The following NEK1 variants were observed in gnomAD, a reference collection of about 807,000 sequenced individuals.
The protein encoded by NEK1 is serine/threonine-protein kinase Nek1.
NEK1 carries 137 observed loss-of-function variants against 182.1 expected under a neutral mutation model. That is an observed-to-expected ratio of 0.75 (90% CI 0.65 to 0.87). The LOEUF is 0.87. Among genes scored for constraint, NEK1 ranks in the 40% least tolerant of loss-of-function variants. The pLI, the probability that NEK1 is intolerant of heterozygous loss-of-function variation, is 0.00. For synonymous variants in NEK1, 513 were observed against 492.2 expected, an observed-to-expected ratio of 1.04 and a Z score of -0.56; for missense variants, 1,391 against 1,494.4, an observed-to-expected ratio of 0.93 and a Z score of 1.14.
In NEK1 at chr4:169,589,448, T is replaced by C; in HGVS notation, c.463A>G (p.Ser155Gly). Residue 155 changes from serine to glycine, a missense_variant and splice_region_variant, in exon 7 of 36, where the codon AGT (serine) becomes GGT (glycine). Around this residue, in one of 5 missense-constraint regions of NEK1, gnomAD observed 116 missense variants for 114.5 expected, o/e 1.01. Transcript: ENST00000507142. ...GDFGIARVLN[S>G]TVELARTCIG... ...AACAAAGTTTAAAATTCATGTTACC[T>C]ATTAAGAACTCTAGCAATTCCAAAA... 1 of 1,474,538 alleles carries C rather than the reference T, an allele frequency of 6.8e-7. No homozygotes were observed. The allele number at this position is 1,474,538 out of a possible 1,614,324, so 91.3% of individuals were successfully genotyped here.
intron 28 of NEK1, among the ~76,000 whole-genome samples, chr4:169,435,139 G>A (rs1738160706): frequency 6.6e-6 from 1 of 152,296 alleles, no homozygotes; most frequent in Non-Finnish European, 1.5e-5. Context: ...CAGAGTTCTG[G>A]AGGCTGAAGG....
At chr4:169,495,852 G>C (rs999786007) in intron 23 of NEK1, among the ~76,000 whole-genome samples, 2 of 152,162 alleles carry the variant, frequency 1.3e-5, no homozygotes, top group Admixed American at 6.5e-5. Context: ...CTCCAGCTTT[G>C]TTCTTTTGGC....
At chr4:169,413,406 C>T (rs1733996896) in intron 31 of NEK1, among the ~76,000 whole-genome samples, 1 of 152,082 alleles carries the variant, frequency 6.6e-6, no homozygotes, top group Non-Finnish European at 1.5e-5. Flanking sequence ...CTCCTGGGTT[C>T]AAGTGATCCT....
chr4:169,451,096 T>C (rs965552561), intron 27 of NEK1, among the ~76,000 whole-genome samples: 1 of 152,178 alleles, frequency 6.6e-6, no homozygotes, highest in African/African-American at 2.4e-5. Context: ...CTATCTTAAA[T>C]ATATATGCAC....
At chr4:169,467,993 G>GA (rs979610797) in intron 26 of NEK1, among the ~76,000 whole-genome samples, 2 of 151,408 alleles carry the variant, frequency 1.3e-5, no homozygotes, top group East Asian at 1.9e-4. Context: ...AGATTAAGAG[G>GA]AAAAAAAAGG....
Position 169,536,358 on chromosome 4 carries a change from G to T in NEK1, c.1665+1451C>A, listed in dbSNP as rs560432433. Among the ~76,000 whole-genome samples, 9 of 149,086 alleles carry T rather than the reference G, an allele frequency of 6.0e-5. No individual in the cohort carries two copies. The East Asian group carries it at 1.8e-3, about 29-fold the overall frequency. On this transcript the variant is annotated intron_variant, in intron 19 of 35. Transcript: ENST00000507142. ...ATCAAATTGATTCTAGTGATAAAGA[G>T]AAAAATTTTAAAGTAGAGAAAAAAG...
At chr4:169,505,414 TCTTC>T (rs1753083746) in intron 23 of NEK1, among the ~76,000 whole-genome samples, 2 of 152,228 alleles carry the variant, frequency 1.3e-5, no homozygotes, top group South Asian at 2.1e-4. Context: ...ATATATTTTC[TCTTC>T]CTTATGATTT....
chr4:169,421,901 CT>C (rs1033956974), intron 31 of NEK1, among the ~76,000 whole-genome samples: 1 of 152,088 alleles, frequency 6.6e-6, no homozygotes, highest in South Asian at 2.1e-4. Context: ...ACCAATTTGA[CT>C]TTATAGACAT....
chr4:169,580,742 C>T (rs1277955771), intron 11 of NEK1, 100 bp downstream of exon 11: 26 of 730,696 alleles, frequency 3.6e-5, no homozygotes. Flanking sequence ...TTAAATTTAT[C>T]CTAGAATTAT....
chr4:169,490,185 A>T (rs1280084875), intron 23 of NEK1, among the ~76,000 whole-genome samples: 1 of 152,128 alleles, frequency 6.6e-6, no homozygotes, highest in Non-Finnish European at 1.5e-5. Flanking sequence ...ACTCAAATTG[A>T]TTACAACTGA....
At chr4:169,468,320 G>A (rs947710446) in intron 26 of NEK1, among the ~76,000 whole-genome samples, 8 of 152,106 alleles carry the variant, frequency 5.3e-5, no homozygotes, top group Non-Finnish European at 8.8e-5. Context: ...GCCCCTGGGA[G>A]GATAAGAACA....
At chr4:169,508,439 G>T in intron 20 of NEK1, 108 bp from the exon 21 acceptor site, 1 of 829,404 alleles carries the variant, frequency 1.2e-6, no homozygotes, top group Non-Finnish European at 1.8e-6. Flanking sequence ...TTGAACACAA[G>T]AAATAAAAGT....
At chr4:169,439,715 G>A (rs1288538800) in intron 27 of NEK1, among the ~76,000 whole-genome samples, 1 of 151,944 alleles carries the variant, frequency 6.6e-6, no homozygotes, top group Admixed American at 6.6e-5. Context: ...TGCACATTTG[G>A]AACATCTAAT....
intron 27 of NEK1, among the ~76,000 whole-genome samples, chr4:169,452,553 C>T (rs1179390952): frequency 2.6e-5 from 4 of 152,100 alleles, no homozygotes; most frequent in African/African-American, 7.2e-5. Context: ...ACAGAACCAA[C>T]AACAAAAACC....
chr4:169,570,039 G>T (rs1006234916), intron 12 of NEK1, among the ~76,000 whole-genome samples: 4 of 145,896 alleles, frequency 2.7e-5, no homozygotes, highest in Non-Finnish European at 6.2e-5. Context: ...TCCCATCTAG[G>T]AAGTGAGGAG....
chr4:169,562,090 A>G (rs759524582), intron 13 of NEK1, 47 bp downstream of exon 13: 1 of 1,403,426 alleles, frequency 7.1e-7, no homozygotes, highest in South Asian at 1.3e-5. Flanking sequence ...TCTTTTTTAA[A>G]ATTATGTTTG....
At chr4:169,574,422 C>T (rs984824165) in intron 12 of NEK1, among the ~76,000 whole-genome samples, 14 of 151,790 alleles carry the variant, frequency 9.2e-5, no homozygotes, top group South Asian at 2.1e-4. Context: ...GGTGAAACCC[C>T]GTCTCTAATA....
At chr4:169,582,253 C>G (rs372093378) in intron 10 of NEK1, among the ~76,000 whole-genome samples, 3 of 151,916 alleles carry the variant, frequency 2.0e-5, no homozygotes, top group Non-Finnish European at 4.4e-5. Context: ...AATACATGAT[C>G]TGAGGGGGTT....
chr4:169,465,957 A>T (rs1744845711), intron 26 of NEK1, among the ~76,000 whole-genome samples: 1 of 152,112 alleles, frequency 6.6e-6, no homozygotes, highest in Non-Finnish European at 1.5e-5. Flanking sequence ...CCCCCAAAAA[A>T]TTATCAAGCA....
Sources: gnomAD v4.1 joint callset for allele counts (sites outside exome capture counted in the v4.1 genomes callset) on GRCh38, gnomAD v4.1.1 for gene constraint, gnomAD v4.1.1 regional missense constraint, MANE v1.5 for transcripts, NCBI Gene and HGNC (gene_info 2026-07-23, HGNC 2026-07-21) for gene names.